NELL1: variants seen among roughly 807,000 people sequenced by gnomAD.
The protein encoded by NELL1 is protein kinase C-binding protein NELL1.
Under a neutral mutation model 107.4 loss-of-function variants are expected in NELL1, and 76 were observed. The observed-to-expected ratio is 0.71, with a 90% CI of 0.59 to 0.86. The LOEUF (loss-of-function observed/expected upper bound fraction) is 0.86, where lower values mean the gene tolerates loss of function less well. Among genes scored for constraint, NELL1 ranks in the 40% least tolerant of loss-of-function variants. The probability of loss-of-function intolerance (pLI) is 0.00; values close to 1 mark genes in which losing one functional copy is unlikely to be tolerated. For synonymous variants in NELL1, 353 were observed against 341.2 expected, an observed-to-expected ratio of 1.03 and a Z score of -0.38; for missense variants, 1,024 against 1,005.5, an observed-to-expected ratio of 1.02 and a Z score of -0.25.
intron 14 of NELL1, among the ~76,000 whole-genome samples, chr11:21,277,342 CAAT>C (rs780245212): frequency 2.0e-3 from 298 of 152,040 alleles, no homozygotes; most frequent in Non-Finnish European, 3.2e-3. Flanking sequence ...ATCAAAACTA[CAAT>C]GAGATACCAT....
intron 14 of NELL1, among the ~76,000 whole-genome samples, chr11:21,364,439 A>T (rs541510201): frequency 7.3e-6 from 1 of 136,842 alleles, no homozygotes; most frequent in African/African-American, 2.7e-5. Context: ...AAAAAAAAAG[A>T]CTTCATTCCC....
At chr11:21,150,786 G>A (rs532739884) in intron 13 of NELL1, among the ~76,000 whole-genome samples, 97 of 152,232 alleles carry the variant, frequency 6.4e-4, no homozygotes, top group African/African-American at 1.8e-3. Flanking sequence ...TTCTCACACT[G>A]CTATAAAGAA....
intron 15 of NELL1, among the ~76,000 whole-genome samples, chr11:21,508,407 C>T (rs1448311875): frequency 2.0e-5 from 3 of 152,026 alleles, no homozygotes; most frequent in Admixed American, 6.6e-5. Flanking sequence ...AAAACTGATG[C>T]GCAGATAAGT....
At chr11:21,296,774 G>A (rs1017464498) in intron 14 of NELL1, among the ~76,000 whole-genome samples, 2 of 151,776 alleles carry the variant, frequency 1.3e-5, no homozygotes, top group Non-Finnish European at 2.9e-5. Context: ...AAGTGGCTCT[G>A]GGTTGGGGAA....
At chr11:21,426,469 A>G (rs931121253) in intron 15 of NELL1, among the ~76,000 whole-genome samples, 2 of 152,240 alleles carry the variant, frequency 1.3e-5, no homozygotes, top group African/African-American at 4.8e-5. Context: ...GATATTTTAA[A>G]GACTTTCATG....
chr11:20,992,449 T>C (rs1352119469), intron 12 of NELL1, among the ~76,000 whole-genome samples: 5 of 152,228 alleles, frequency 3.3e-5, no homozygotes, highest in Non-Finnish European at 5.9e-5. Context: ...TTGGAAATTA[T>C]TTCAAACCTG....
At chr11:21,330,605 AT>A (rs1233250930) in intron 14 of NELL1, among the ~76,000 whole-genome samples, 1 of 151,828 alleles carries the variant, frequency 6.6e-6, no homozygotes, top group Non-Finnish European at 1.5e-5. Flanking sequence ...TCTGCCTGGG[AT>A]TCTTTTATGT....
At chr11:20,715,946 T>A (rs1319733337) in intron 2 of NELL1, among the ~76,000 whole-genome samples, 1 of 152,248 alleles carries the variant, frequency 6.6e-6, no homozygotes, top group Non-Finnish European at 1.5e-5. Context: ...TCATGAATGT[T>A]CTGATTCTAA....
At chr11:21,443,929 A>T (rs1457787511) in intron 15 of NELL1, among the ~76,000 whole-genome samples, 3 of 152,144 alleles carry the variant, frequency 2.0e-5, no homozygotes, top group Non-Finnish European at 4.4e-5. Context: ...CAGTTTCATT[A>T]TAAAACAATA....
intron 2 of NELL1, among the ~76,000 whole-genome samples, chr11:20,780,041 G>A (rs928158064): frequency 6.6e-6 from 1 of 152,116 alleles, no homozygotes; most frequent in African/African-American, 2.4e-5. Flanking sequence ...ACTTGAAAGG[G>A]CTTCTCTGAG....
chr11:21,155,086 G>C (rs1471014579), intron 13 of NELL1, among the ~76,000 whole-genome samples: 1 of 152,152 alleles, frequency 6.6e-6, no homozygotes, highest in Non-Finnish European at 1.5e-5. Context: ...TTGATATAAG[G>C]TAGAGGATGC....
intron 12 of NELL1, among the ~76,000 whole-genome samples, chr11:20,962,408 T>A (rs1438096085): frequency 6.6e-6 from 1 of 152,162 alleles, no homozygotes; most frequent in Non-Finnish European, 1.5e-5. Context: ...CGTCGAACAA[T>A]TATAAAAATG....
intron 5 of NELL1, among the ~76,000 whole-genome samples, chr11:20,890,677 G>A (rs973856996): frequency 6.6e-6 from 1 of 151,882 alleles, no homozygotes; most frequent in African/African-American, 2.4e-5. Context: ...ACAACGTGAT[G>A]GAACTGAAAA....
At chr11:21,052,070 C>T (rs1853506304) in intron 12 of NELL1, among the ~76,000 whole-genome samples, 1 of 151,884 alleles carries the variant, frequency 6.6e-6, no homozygotes, top group African/African-American at 2.4e-5. Flanking sequence ...AAAAACAGAC[C>T]TGCATAGAGT....
chr11:21,530,695 C>T (rs1188412522), intron 15 of NELL1, among the ~76,000 whole-genome samples: 1 of 151,910 alleles, frequency 6.6e-6, no homozygotes, highest in African/African-American at 2.4e-5. Context: ...GAGGTAGAAG[C>T]AAAGTATTAA....
rs189620403 is a variant in NELL1, at chr11:20,898,221, C to T, written c.603+12681C>T. Among the ~76,000 whole-genome samples, 23 of 152,160 alleles carry T rather than the reference C, an allele frequency of 1.5e-4. No individual in the cohort carries two copies. The South Asian group carries it at 3.3e-3, about 22-fold the overall frequency. ...TTAAGAAAACGTGGCACATATACAC[C>T]GTGGAATACCATGCAGCCATAAAAA... is the stretch of plus-strand genomic sequence containing the variant. On this transcript the variant is annotated intron_variant, in intron 5 of 19. Coordinates refer to ENST00000357134, the MANE Select transcript of NELL1 (RefSeq NM_006157.5).
chr11:21,414,385 A>G (rs545293770), intron 15 of NELL1, among the ~76,000 whole-genome samples: 1 of 152,210 alleles, frequency 6.6e-6, no homozygotes, highest in Admixed American at 6.5e-5. Context: ...TGTGAATAAT[A>G]TCTTCAAAAA....
chr11:21,252,609 A>T (rs1012250916), intron 14 of NELL1, among the ~76,000 whole-genome samples: 1 of 152,162 alleles, frequency 6.6e-6, no homozygotes, highest in Non-Finnish European at 1.5e-5. Context: ...TTTAGTCAAA[A>T]GCTATCAAGT....
At chr11:21,237,138 G>A (rs1465231887) in intron 14 of NELL1, among the ~76,000 whole-genome samples, 1 of 152,080 alleles carries the variant, frequency 6.6e-6, no homozygotes, top group Non-Finnish European at 1.5e-5. Flanking sequence ...GTTCCCAGGA[G>A]GGCAAGGCAC....
Sources: allele counts gnomAD v4.1 joint callset (sites outside exome capture counted in the v4.1 genomes callset), GRCh38; gene constraint gnomAD v4.1.1; transcripts MANE v1.5; gene names NCBI Gene and HGNC (gene_info 2026-07-23, HGNC 2026-07-21).